The following RUNX1 variants were observed in gnomAD, a reference collection of about 807,000 sequenced individuals.
RUNX1 encodes the protein runt-related transcription factor 1.
A neutral mutation model predicts 42.8 loss-of-function variants in RUNX1; 19 were observed. The observed-to-expected ratio is 0.44, with a 90% confidence interval of 0.31 to 0.65. RUNX1 has a LOEUF of 0.65. Ranked by LOEUF, RUNX1 falls within the 30% of genes least tolerant of loss-of-function variation. The probability of loss-of-function intolerance (pLI) is 0.07; values close to 1 mark genes in which losing one functional copy is unlikely to be tolerated. For missense variants in RUNX1, 528 were observed against 672.0 expected (o/e 0.79, Z 2.37); for synonymous variants, 271 against 289.4 (o/e 0.94, Z 0.64).
At chr21:34,985,563 C>T (rs866197677) in intron 2 of RUNX1, among the ~76,000 whole-genome samples, 3 of 152,136 alleles carry the variant, frequency 2.0e-5, no homozygotes, top group South Asian at 2.1e-4. Flanking sequence ...ACTCTCAGGG[C>T]AACCACACAC....
chr21:34,840,286 T>C (rs1422004279), intron 6 of RUNX1, among the ~76,000 whole-genome samples: 1 of 152,180 alleles, frequency 6.6e-6, no homozygotes, highest in Non-Finnish European at 1.5e-5. Context: ...TTAATGCAGA[T>C]GCCACAATCC....
intron 6 of RUNX1, among the ~76,000 whole-genome samples, chr21:34,851,904 T>A (rs2057424225): frequency 6.6e-6 from 1 of 152,206 alleles, no homozygotes; most frequent in Non-Finnish European, 1.5e-5. Context: ...CAGTGGCTCA[T>A]GCCTTTAATC....
At chr21:34,826,298 G>C (rs1258768849) in intron 7 of RUNX1, among the ~76,000 whole-genome samples, 1 of 152,116 alleles carries the variant, frequency 6.6e-6, no homozygotes, top group African/African-American at 2.4e-5. Context: ...AAGCTCTCTT[G>C]CACATGCTTT....
chr21:35,014,754 G>A (rs755939745), intron 2 of RUNX1, among the ~76,000 whole-genome samples: 14 of 152,216 alleles, frequency 9.2e-5, no homozygotes, highest in Admixed American at 1.3e-4. Flanking sequence ...AGCCACAGAC[G>A]GGGCTGAGCC....
chr21:34,984,544 G>A (rs1173324976), intron 2 of RUNX1, among the ~76,000 whole-genome samples: 1 of 152,228 alleles, frequency 6.6e-6, no homozygotes, highest in Non-Finnish European at 1.5e-5. Context: ...TTCAGAGGAA[G>A]TGGTGGCAAA....
chr21:34,930,270 G>GTGTGTGTATATATATATATATATATA (rs372412304), intron 2 of RUNX1, among the ~76,000 whole-genome samples: 9 of 122,992 alleles, frequency 7.3e-5, no homozygotes, highest in African/African-American at 3.4e-4. Flanking sequence ...GTGTGTGTAT[G>GTGTGTGTATATATATATATATATATA]TATATATATA....
chr21:34,958,955 A>C (rs1285468318), intron 2 of RUNX1, among the ~76,000 whole-genome samples: 1 of 152,090 alleles, frequency 6.6e-6, no homozygotes, highest in Admixed American at 6.6e-5. Context: ...CAAAGACAAA[A>C]AACCAAACAC....
intron 2 of RUNX1, among the ~76,000 whole-genome samples, chr21:35,020,816 T>A (rs986801488): frequency 6.6e-6 from 1 of 152,230 alleles, no homozygotes; most frequent in Admixed American, 6.5e-5. Context: ...CTTTAAATAG[T>A]GTCTCATTTA....
chr21:34,831,803 C>CCTGTT (rs1289423564), intron 7 of RUNX1, among the ~76,000 whole-genome samples: 1 of 152,134 alleles, frequency 6.6e-6, no homozygotes, highest in Non-Finnish European at 1.5e-5. Flanking sequence ...CTTGGCTGAA[C>CCTGTT]AAGACTTGCA....
intron 2 of RUNX1, among the ~76,000 whole-genome samples, chr21:34,953,694 A>G (rs1361991107): frequency 2.0e-5 from 3 of 152,252 alleles, no homozygotes; most frequent in African/African-American, 7.2e-5. Flanking sequence ...TTATGGAGTT[A>G]CAGGAAAGCT....
intron 7 of RUNX1, among the ~76,000 whole-genome samples, chr21:34,815,539 G>A (rs1324137727): frequency 3.3e-5 from 5 of 152,252 alleles, no homozygotes; most frequent in African/African-American, 9.6e-5. Flanking sequence ...GAAAATACGA[G>A]GGATAGCAAG....
At chr21:34,990,213 T>C (rs1264460480) in intron 2 of RUNX1, among the ~76,000 whole-genome samples, 1 of 152,182 alleles carries the variant, frequency 6.6e-6, no homozygotes, top group African/African-American at 2.4e-5. Context: ...TTCATGCAGC[T>C]GGGTGAGGCA....
chr21:34,937,213 C>T (rs1451954285), intron 2 of RUNX1, among the ~76,000 whole-genome samples: 1 of 149,900 alleles, frequency 6.7e-6, no homozygotes, highest in East Asian at 2.0e-4. Flanking sequence ...TGTTTAATGT[C>T]ATCTTTTCTT....
chr21:34,796,911 A>T (rs1227663324), intron 8 of RUNX1, among the ~76,000 whole-genome samples: 2 of 152,222 alleles, frequency 1.3e-5, no homozygotes, highest in African/African-American at 4.8e-5. Context: ...CCAAGTCCCC[A>T]GCGCAGAAGG....
At chr21:34,818,223 T>C (rs992529279) in intron 7 of RUNX1, among the ~76,000 whole-genome samples, 3 of 152,242 alleles carry the variant, frequency 2.0e-5, no homozygotes, top group Non-Finnish European at 4.4e-5. Context: ...TCCACTCCCA[T>C]GATGACTGGG....
intron 2 of RUNX1, among the ~76,000 whole-genome samples, chr21:35,007,862 C>T (rs1435592705): frequency 6.6e-6 from 1 of 152,156 alleles, no homozygotes; most frequent in African/African-American, 2.4e-5. Flanking sequence ...ATTTCATGTT[C>T]CAGCTTTAAA....
chr21:34,826,208 T>A (rs1424072908), intron 7 of RUNX1, among the ~76,000 whole-genome samples: 1 of 152,186 alleles, frequency 6.6e-6, no homozygotes, highest in Non-Finnish European at 1.5e-5. Context: ...AAACGGGTCA[T>A]GAGGATTCTG....
chr21:34,871,246 C>T (rs548783585), intron 5 of RUNX1, among the ~76,000 whole-genome samples: 4 of 152,296 alleles, frequency 2.6e-5, no homozygotes, highest in East Asian at 1.9e-4. Flanking sequence ...TACAGCAACT[C>T]GTGAGCTCTG....
intron 2 of RUNX1, among the ~76,000 whole-genome samples, chr21:35,011,159 G>A (rs553893300): frequency 2.0e-5 from 3 of 152,136 alleles, no homozygotes; most frequent in African/African-American, 7.2e-5. Context: ...GATATTTCAT[G>A]GCAAAGTTAA....
Sources: gnomAD v4.1 joint callset for allele counts (sites outside exome capture counted in the v4.1 genomes callset) on GRCh38, gnomAD v4.1.1 for gene constraint, MANE v1.5 for transcripts, NCBI Gene and HGNC (gene_info 2026-07-23, HGNC 2026-07-21) for gene names.